The following LRIF1 variants were observed in gnomAD, a reference collection of about 807,000 sequenced individuals.
The protein encoded by LRIF1 is ligand-dependent nuclear receptor-interacting factor 1.
In LRIF1, 32 loss-of-function variants were observed where a neutral mutation model predicts 52.7. The ratio of observed to expected loss-of-function variants is 0.61; its 90% CI spans 0.46 to 0.82. The LOEUF (loss-of-function observed/expected upper bound fraction) is 0.82, where lower values mean the gene tolerates loss of function less well. Ranked by LOEUF, LRIF1 falls within the 40% of genes least tolerant of loss-of-function variation. The pLI is 0.00. For missense variants in LRIF1, 887 were observed against 892.0 expected (o/e 0.99, Z 0.07); for synonymous variants, 323 against 317.4 (o/e 1.02, Z -0.19).
chr1:110,904,626 C>T, the LRIF1 span, among the ~76,000 whole-genome samples: 1 of 152,194 alleles, frequency 6.6e-6, no homozygotes, highest in African/African-American at 2.4e-5. Flanking sequence ...GATTACAACA[C>T]TCAAGTCCTT....
chr1:110,920,119 C>T, the LRIF1 span, among the ~76,000 whole-genome samples: 2 of 152,254 alleles, frequency 1.3e-5, no homozygotes, highest in Non-Finnish European at 2.9e-5. Context: ...AAAAAGTACA[C>T]CCACTTTGGA....
At chr1:110,897,817 T>A in the LRIF1 span, 1 of 1,604,780 alleles carries the variant, frequency 6.2e-7, no homozygotes. Context: ...AGGGTTGCTA[T>A]GCGAAAGCAA....
At chr1:110,900,651 G>A in the LRIF1 span, among the ~76,000 whole-genome samples, 171 of 151,102 alleles carry the variant, frequency 1.1e-3, no homozygotes, top group African/African-American at 4.0e-3. Flanking sequence ...ACAGGCATGA[G>A]CCACGCCACA....
the LRIF1 span, among the ~76,000 whole-genome samples, chr1:110,877,058 T>C: frequency 6.6e-6 from 1 of 152,206 alleles, no homozygotes; most frequent in Non-Finnish European, 1.5e-5. Context: ...ATGTACTTTA[T>C]TCAGATTCCA....
chr1:110,881,484 T>C, the LRIF1 span, among the ~76,000 whole-genome samples: 1 of 152,230 alleles, frequency 6.6e-6, no homozygotes, highest in East Asian at 1.9e-4. Context: ...TATACCACTA[T>C]TTATTTATAC....
the LRIF1 span, among the ~76,000 whole-genome samples, chr1:110,921,304 A>G: frequency 6.6e-6 from 1 of 152,132 alleles, no homozygotes; most frequent in East Asian, 1.9e-4. Flanking sequence ...AAACTAATAG[A>G]AAAAAAATGA....
chr1:110,952,156 G>C lies in LRIF1; in HGVS notation c.728C>G (p.Thr243Ser), dbSNP rs1402860821. Reference sequence around the variant, plus strand: ...TGGGTAAATGTTTTGAAAGTTCTTGGTAACTACATTTTTCACTGTATTTAC... The same window carrying C: ...TGGGTAAATGTTTTGAAAGTTCTTGCTAACTACATTTTTCACTGTATTTAC... ...SPVNTVKNVV[T>S]KNFQNIYPKP... is the part of the protein sequence containing the mutation. Residue 243 changes from threonine to serine, a missense_variant, in exon 2 of 4, where the codon ACC becomes AGC. Coordinates refer to ENST00000369763, the MANE Select transcript of LRIF1 (RefSeq NM_018372.4). 1 of 1,614,016 alleles carries C rather than the reference G, an allele frequency of 6.2e-7. No homozygotes were observed. The highest frequency in any genetic ancestry group is 1.3e-5 in the African/African-American group (1 of 74,896).
At chr1:110,948,500 C>A in intron 3 of LRIF1, 101 bp from the exon 4 acceptor site, 1 of 1,446,946 alleles carries the variant, frequency 6.9e-7, no homozygotes, top group Non-Finnish European at 9.1e-7. Context: ...AAATATCTAG[C>A]TATTACAATT....
chr1:110,954,414 G>T (rs1442642152), intron 1 of LRIF1, among the ~76,000 whole-genome samples: 1 of 152,058 alleles, frequency 6.6e-6, no homozygotes, highest in East Asian at 1.9e-4. Flanking sequence ...TCAAGTAGCT[G>T]AGACCACAGA....
chr1:110,897,383 C>A, the LRIF1 span, among the ~76,000 whole-genome samples: 109 of 152,332 alleles, frequency 7.2e-4, no homozygotes, highest in African/African-American at 2.5e-3. Context: ...CAACCACTGA[C>A]CAGCAACTGC....
chr1:110,886,629 A>G, the LRIF1 span, among the ~76,000 whole-genome samples: 1 of 151,900 alleles, frequency 6.6e-6, no homozygotes, highest in Non-Finnish European at 1.5e-5. Flanking sequence ...TGGGTGGGTC[A>G]CTTGAGGTCA....
the LRIF1 span, among the ~76,000 whole-genome samples, chr1:110,919,413 C>T: frequency 4.0e-5 from 6 of 150,580 alleles, no homozygotes; most frequent in African/African-American, 1.5e-4. Context: ...TGCCCTCAAA[C>T]ATCGGACTCC....
At position 110,963,618 on chromosome 1, in the gene LRIF1, T is replaced by C. The variant is rs1196942895; in HGVS notation, c.68+3A>G. 1.2e-6 allele frequency: 2 copies of C among 1,608,582 alleles called. No individual in the cohort carries two copies. Among genetic ancestry groups the C allele is most frequent in the South Asian group, 2.2e-5 (2 of 90,730 alleles). ...GTGGGGAGGATTCGAAACCGGTACT[T>C]ACCAACGCGAGGCGTTGCCTGAATT... On this transcript the variant is annotated splice_donor_region_variant and intron_variant, in intron 1 of 3. Coordinates refer to ENST00000369763, the MANE Select transcript of LRIF1 (RefSeq NM_018372.4).
intron 1 of LRIF1, chr1:110,963,268 C>T (rs1659039946): frequency 1.1e-5 from 2 of 174,834 alleles, no homozygotes; most frequent in Admixed American, 1.2e-4. Context: ...TCCGTGCTGA[C>T]TGCTGCGTTT....
chr1:110,916,829 T>C, the LRIF1 span, among the ~76,000 whole-genome samples: 1 of 152,106 alleles, frequency 6.6e-6, no homozygotes, highest in African/African-American at 2.4e-5. Flanking sequence ...ATAAAGAGGG[T>C]CACTTTATAA....
intron 3 of LRIF1, among the ~76,000 whole-genome samples, chr1:110,949,592 G>GT (rs530305191): frequency 1.1e-4 from 16 of 151,488 alleles, no homozygotes; most frequent in Middle Eastern, 3.4e-3. Context: ...GCTAATTTTT[G>GT]TATTTTTAGT....
At chr1:110,899,428 A>C in the LRIF1 span, 3 of 441,784 alleles carry the variant, frequency 6.8e-6, no homozygotes, top group Non-Finnish European at 1.2e-5. Context: ...CAAAGTGGTG[A>C]AACTAATATC....
the LRIF1 span, chr1:110,896,679 G>T: frequency 6.2e-7 from 1 of 1,613,564 alleles, no homozygotes; most frequent in Non-Finnish European, 8.5e-7. Context: ...TAAATGGCAC[G>T]AGTGATTGGA....
At chr1:110,891,612 G>A in the LRIF1 span, 2 of 681,110 alleles carry the variant, frequency 2.9e-6, no homozygotes, top group South Asian at 3.4e-5. Context: ...AGAAACAAAA[G>A]AGTAATAATT....
Sources: allele counts gnomAD v4.1 joint callset (sites outside exome capture counted in the v4.1 genomes callset), GRCh38; gene constraint gnomAD v4.1.1; transcripts MANE v1.5; gene names NCBI Gene and HGNC (gene_info 2026-07-23, HGNC 2026-07-21).